OPHN1: variants seen among roughly 807,000 people sequenced by gnomAD.
OPHN1 encodes the protein oligophrenin-1.
A neutral mutation model predicts 60.7 loss-of-function variants in OPHN1; 11 were observed. The observed-to-expected ratio is 0.18, with a 90% CI of 0.11 to 0.30. The LOEUF (loss-of-function observed/expected upper bound fraction) is 0.30, where lower values mean the gene tolerates loss of function less well. OPHN1 is among the 10% of genes least tolerant of loss of function. OPHN1 has a pLI of 1.00. For synonymous variants in OPHN1, 226 were observed against 222.6 expected (o/e 1.02, Z -0.14); for missense variants, 449 against 611.0 (o/e 0.73, Z 2.80).
intron 2 of OPHN1, among the ~76,000 whole-genome samples, chrX:68,306,175 C>G (rs2078144262): frequency 8.9e-6 from 1 of 111,986 alleles, no homozygotes; most frequent in African/African-American, 3.2e-5. Flanking sequence ...TTGGCCAACT[C>G]AATAATGCAT....
intron 2 of OPHN1, among the ~76,000 whole-genome samples, chrX:68,299,588 T>C (rs757760328): frequency 9.0e-6 from 1 of 111,595 alleles, no homozygotes; most frequent in Non-Finnish European, 1.9e-5. Context: ...AGGTACCACC[T>C]GGACATTTTA....
At position 68,161,338 on chromosome X, in the gene OPHN1, C is replaced by A. The variant is rs191938564; in HGVS notation, c.1276+31581G>T. ...ACAATTGAAAGGAAAGAACACTTCC[C>A]AATTCATTCTATGAAGCCGATATTA... On this transcript the variant is annotated intron_variant, in intron 15 of 24. Coordinates refer to ENST00000355520, the MANE Select transcript of OPHN1 (RefSeq NM_002547.3). Among the ~76,000 whole-genome samples, 303 of 111,043 alleles carry A rather than the reference C, an allele frequency of 2.7e-3. 1 individual carries two copies. The highest frequency in any genetic ancestry group is 9.5e-3 in the African/African-American group (292 of 30,718).
At chrX:68,068,389 T>C (rs966055111) in intron 20 of OPHN1, among the ~76,000 whole-genome samples, 12 of 99,314 alleles carry the variant, frequency 1.2e-4, no homozygotes, top group Admixed American at 2.5e-4. Context: ...GAGAATCACA[T>C]GAACCTGGCA....
At chrX:68,282,616 T>C (rs1239510574) in intron 4 of OPHN1, among the ~76,000 whole-genome samples, 3 of 112,183 alleles carry the variant, frequency 2.7e-5, no homozygotes, top group African/African-American at 9.7e-5. Context: ...ATTCACATGA[T>C]GTTTAATAAT....
At chrX:68,316,972 G>T (rs1036418456) in intron 2 of OPHN1, among the ~76,000 whole-genome samples, 33 of 110,892 alleles carry the variant, frequency 3.0e-4, no homozygotes, top group African/African-American at 1.1e-3. Flanking sequence ...ATTCCACAGG[G>T]AATATTCTGT....
At chrX:68,292,948 A>C (rs1812285592) in intron 3 of OPHN1, among the ~76,000 whole-genome samples, 1 of 111,671 alleles carries the variant, frequency 9.0e-6, no homozygotes, top group Non-Finnish European at 1.9e-5. Context: ...TGGTTCATGC[A>C]TGCCCCTATA....
chrX:68,375,398 G>C (rs1024535729), intron 2 of OPHN1, among the ~76,000 whole-genome samples: 1 of 111,584 alleles, frequency 9.0e-6, no homozygotes, highest in African/African-American at 3.3e-5. Context: ...TTGGGAGGCT[G>C]AGGTGAGAGG....
chrX:68,077,531 G>A (rs961842892), intron 19 of OPHN1, among the ~76,000 whole-genome samples: 4 of 112,369 alleles, frequency 3.6e-5, no homozygotes, highest in East Asian at 2.8e-4. Flanking sequence ...GAGGTGGAAA[G>A]ATTAAATATT....
intron 19 of OPHN1, among the ~76,000 whole-genome samples, chrX:68,080,444 C>T (rs2076970086): frequency 8.9e-6 from 1 of 112,218 alleles, no homozygotes; most frequent in African/African-American, 3.2e-5. Context: ...CCCCTTCTTA[C>T]TTTTACTAAT....
chrX:68,203,818 G>A (rs1386413441), intron 10 of OPHN1, among the ~76,000 whole-genome samples: 1 of 112,256 alleles, frequency 8.9e-6, no homozygotes, highest in Non-Finnish European at 1.9e-5. Flanking sequence ...TGCTTTGTCT[G>A]ACTAAACTCT....
intron 2 of OPHN1, among the ~76,000 whole-genome samples, chrX:68,420,063 T>A (rs1421980422): frequency 1.8e-5 from 2 of 111,337 alleles, no homozygotes; most frequent in African/African-American, 6.5e-5. Context: ...CAAGCTCAGG[T>A]GTCTCAGCCC....
chrX:68,076,041 A>G (rs1209380894), intron 19 of OPHN1, among the ~76,000 whole-genome samples: 1 of 110,632 alleles, frequency 9.0e-6, no homozygotes, highest in Non-Finnish European at 1.9e-5. Flanking sequence ...CTGAGTTAAA[A>G]TATTTGTAAA....
intron 11 of OPHN1, 124 bp downstream of exon 11, chrX:68,201,495 A>G: frequency 3.4e-6 from 2 of 586,100 alleles, no homozygotes; most frequent in Non-Finnish European, 5.8e-6. Flanking sequence ...ATAGACTCAC[A>G]ACAAAGTCCT....
At chrX:68,205,975 TGTGA>T (rs755556922) in intron 10 of OPHN1, among the ~76,000 whole-genome samples, 1,999 of 49,567 alleles carry the variant, frequency 0.04, 58 homozygotes, top group African/African-American at 0.16. Flanking sequence ...TGTGAGTGTG[TGTGA>T]GTGTGTGTGT....
rs1385710959 is a variant in OPHN1 at position 68,046,241 on chromosome X, T to C, written c.*931A>G. 8.9e-6 allele frequency: 1 copy of C among 111,945 alleles called. No homozygotes were observed. The highest frequency in any genetic ancestry group is 9.5e-5 in the Admixed American group (1 of 10,563). 9.2% of individuals were successfully genotyped at this position (111,945 alleles called of 1,213,427 possible). A position where few individuals can be genotyped will look rare whatever the true frequency, so the allele number is the denominator to read the frequency against. On this transcript the variant is annotated 3_prime_UTR_variant, in exon 25 of 25. Coordinates refer to ENST00000355520, the MANE Select transcript of OPHN1 (RefSeq NM_002547.3). ...GCTTTTTTCAGGAGATAAAAGAGTT[T>C]ATGTGCAGAAGGCAAACATGAAGCA...
At chrX:68,367,871 G>T (rs1448766080) in intron 2 of OPHN1, among the ~76,000 whole-genome samples, 1 of 111,477 alleles carries the variant, frequency 9.0e-6, no homozygotes, top group Non-Finnish European at 1.9e-5. Flanking sequence ...GGTCATGATT[G>T]TAAGTTTCTT....
Position 68,052,567 on chromosome X carries a change from A to G in OPHN1, c.2348T>C (p.Phe783Ser), listed in dbSNP as rs1377768153. The change falls in exon 23 of 25, where the codon TTT (phenylalanine) becomes TCT (serine). Residue 783 changes from phenylalanine to serine, a missense_variant. Phe to Ser is a radical substitution (Grantham distance 155, BLOSUM62 -2). Transcript: ENST00000355520. ...SSVVASRTRF[F>S]ETASRKTGSS... ...TCCTGTTTTCCGGGAAGCTGTTTCA[A>G]AAAACCTGGTCCTGGAAGCCACCCT... is the stretch of plus-strand genomic sequence containing the variant. 1.7e-6 allele frequency: 2 copies of G among 1,206,796 alleles called. No individual in the cohort carries two copies. The highest frequency in any genetic ancestry group is 2.2e-6 in the Non-Finnish European group (2 of 893,550).
chrX:68,136,149 A>T (rs191780531), intron 15 of OPHN1, among the ~76,000 whole-genome samples: 119 of 110,946 alleles, frequency 1.1e-3, no homozygotes, highest in Non-Finnish European at 1.8e-3. Context: ...AATCAAATTA[A>T]ATATTATTAA....
intron 15 of OPHN1, among the ~76,000 whole-genome samples, chrX:68,175,883 G>A (rs887634003): frequency 2.7e-5 from 3 of 111,900 alleles, no homozygotes; most frequent in Non-Finnish European, 5.6e-5. Flanking sequence ...CCTGCAGTCC[G>A]GTGGAATAGA....
Sources: gnomAD v4.1 joint callset for allele counts (sites outside exome capture counted in the v4.1 genomes callset) on GRCh38, gnomAD v4.1.1 for gene constraint, MANE v1.5 for transcripts, NCBI Gene and HGNC (gene_info 2026-07-23, HGNC 2026-07-21) for gene names.